Variants in C1orf54 observed in about 807,000 individuals in gnomAD.
C1orf54 encodes the protein uncharacterized protein C1orf54.
A neutral mutation model predicts 14.7 loss-of-function variants in C1orf54; 12 were observed. The observed-to-expected ratio is 0.82, with a 90% CI of 0.52 to 1.32. The LOEUF is 1.32. Among genes scored for constraint, C1orf54 ranks in the 40% most tolerant of loss-of-function variants. The pLI, the probability that C1orf54 is intolerant of heterozygous loss-of-function variation, is 0.00. For synonymous variants in C1orf54, 65 were observed against 56.3 expected, an observed-to-expected ratio of 1.16 and a Z score of -0.70; for missense variants, 163 against 162.2, an observed-to-expected ratio of 1.00 and a Z score of -0.03.
chr1:150,275,748 T>C lies in C1orf54; in HGVS notation c.138T>C (p.Phe46=). The C allele has an allele frequency of 6.2e-7, 1 of 1,611,006 alleles. No individual in the cohort carries two copies. Among genetic ancestry groups the C allele is most frequent in the South Asian group, 1.1e-5 (1 of 91,002 alleles). Residue 46 remains phenylalanine (F), a synonymous_variant, in exon 3 of 6, where the codon TTT becomes TTC. Coordinates refer to ENST00000369099, the MANE Select transcript of C1orf54 (RefSeq NM_024579.4). ...YYTVTPSYDD[F]SADFTIDYSI... is the part of the protein sequence containing the mutation. Reference sequence around the variant, plus strand: ...TTTCTTTCTCCTCTGCAGATGACTTTAGTGCAGATTTCACCATTGATTACT... The same window carrying C: ...TTTCTTTCTCCTCTGCAGATGACTTCAGTGCAGATTTCACCATTGATTACT...
intron 4 of C1orf54, 153 bp from the exon 5 acceptor site, chr1:150,279,490 A>G: frequency 5.5e-6 from 4 of 722,544 alleles, no homozygotes; most frequent in Non-Finnish European, 9.3e-6. Flanking sequence ...AGGACTCCTT[A>G]CAGTGATGGG....
chr1:150,276,643 T>C lies in C1orf54; in HGVS notation c.300+11T>C. ...GTAACAACGGAACCTGTGAGTTGAT[T>C]GGGGATTGGGGGCTGGGGGGAGACA... On this transcript the variant is annotated intron_variant, in intron 4 of 5. Coordinates refer to ENST00000369099, the MANE Select transcript of C1orf54 (RefSeq NM_024579.4). 1 of 1,602,972 alleles carries C rather than the reference T, an allele frequency of 6.2e-7. No homozygotes were observed. Among genetic ancestry groups the C allele is most frequent in the Non-Finnish European group, 8.5e-7 (1 of 1,170,136 alleles).
At position 150,272,859 on chromosome 1, in the gene C1orf54, C is replaced by G; in HGVS notation, c.42C>G (p.Ile14Met). 1.2e-6 allele frequency: 2 copies of G among 1,614,098 alleles called. No individual in the cohort carries two copies. Among genetic ancestry groups the G allele is most frequent in the Non-Finnish European group, 1.7e-6 (2 of 1,180,024 alleles). ...TAGCCATCTTTGCTGTGCCACTTAT[C>G]CTGGGTAAGTCCACTCCTCTCTCTG... ...LFVAIFAVPL[I>M]LGQEYEDEER... Residue 14 changes from isoleucine to methionine, a missense_variant, in exon 1 of 6, where the codon ATC (isoleucine) becomes ATG (methionine). Ile to Met is a conservative substitution (Grantham distance 10). Transcript: ENST00000369099.
upstream of C1orf54, chr1:150,269,346 AAG>A (rs782006976): frequency 2.5e-5 from 4 of 159,154 alleles, no homozygotes; most frequent in Non-Finnish European, 5.6e-5. Context: ...GACAAATACA[AAG>A]AGAGCACAGG....
intron 4 of C1orf54, among the ~76,000 whole-genome samples, chr1:150,277,813 A>C (rs1311179749): frequency 6.6e-6 from 1 of 152,024 alleles, no homozygotes; most frequent in Non-Finnish European, 1.5e-5. Flanking sequence ...TTTTAGAAAA[A>C]CCGGCCAGGT....
At chr1:150,280,630 C>G (rs149436127) in intron 5 of C1orf54, among the ~76,000 whole-genome samples, 2 of 152,184 alleles carry the variant, frequency 1.3e-5, no homozygotes, top group East Asian at 3.9e-4. Context: ...AATTGGGATG[C>G]TAAATAACCA....
At chr1:150,269,764 A>T (rs1652066803), upstream of C1orf54, among the ~76,000 whole-genome samples, 1 of 152,134 alleles carries the variant, frequency 6.6e-6, no homozygotes, top group Non-Finnish European at 1.5e-5. Context: ...ATTAGAGTGA[A>T]TGAAAGTTAA....
In C1orf54 at chr1:150,274,140, G is replaced by T; in HGVS notation, c.100G>T (p.Val34Phe). 1 of 1,612,440 alleles carries T rather than the reference G, an allele frequency of 6.2e-7. No homozygotes were observed. Among genetic ancestry groups the T allele is most frequent in the Non-Finnish European group, 8.5e-7 (1 of 1,178,558 alleles). The change falls in exon 2 of 6, where the codon GTC becomes TTC. Residue 34 changes from valine (V) to phenylalanine (F), a missense_variant. Coordinates refer to ENST00000369099, the MANE Select transcript of C1orf54 (RefSeq NM_024579.4). ...RLGEDEYYQV[V>F]YYYTVTPSYD... ...GGGAGAGGATGAATATTATCAGGTGGTCTATTATTATACAGTCACCCCCAG... is the reference window on the plus strand; with the variant it reads ...GGGAGAGGATGAATATTATCAGGTGTTCTATTATTATACAGTCACCCCCAG...
intron 4 of C1orf54, 132 bp downstream of exon 4, chr1:150,276,764 A>C: frequency 1.4e-6 from 1 of 696,992 alleles, no homozygotes. Context: ...GCAGGTATTC[A>C]TCTCAACTTG....
chr1:150,273,921 G>A (rs1226571572), intron 1 of C1orf54, among the ~76,000 whole-genome samples, 166 bp from the exon 2 acceptor site: 4 of 152,162 alleles, frequency 2.6e-5, no homozygotes, highest in Non-Finnish European at 5.9e-5. Context: ...TGAGAGGGGT[G>A]TAGAGGTGCA....
At chr1:150,277,943 C>T (rs2101878977) in intron 4 of C1orf54, among the ~76,000 whole-genome samples, 1 of 152,134 alleles carries the variant, frequency 6.6e-6, no homozygotes, top group Non-Finnish European at 1.5e-5. Context: ...AGTAAAAATA[C>T]AGAATTAGCT....
intron 2 of C1orf54, among the ~76,000 whole-genome samples, chr1:150,274,820 G>C (rs1471255882): frequency 6.0e-5 from 9 of 150,800 alleles, no homozygotes; most frequent in Admixed American, 2.6e-4. Flanking sequence ...GGCTGAGGCA[G>C]GAGAATCGCT....
At chr1:150,270,945 G>A (rs1553851162), upstream of C1orf54, among the ~76,000 whole-genome samples, 3 of 140,492 alleles carry the variant, frequency 2.1e-5, no homozygotes, top group African/African-American at 8.0e-5. Flanking sequence ...GCAGTGAGCC[G>A]AGATCGTGCC....
At chr1:150,273,326 G>T (rs1553851691) in intron 1 of C1orf54, among the ~76,000 whole-genome samples, 1 of 152,214 alleles carries the variant, frequency 6.6e-6, no homozygotes, top group Non-Finnish European at 1.5e-5. Context: ...CAGGGACAGG[G>T]TCCCAAGAGT....
upstream of C1orf54, chr1:150,268,893 G>A: frequency 4.7e-6 from 6 of 1,275,184 alleles, no homozygotes; most frequent in Non-Finnish European, 6.6e-6. Flanking sequence ...GTCCGCGTGG[G>A]GTGGCAACGC....
chr1:150,278,413 C>A (rs1652839636), intron 4 of C1orf54, among the ~76,000 whole-genome samples: 1 of 152,110 alleles, frequency 6.6e-6, no homozygotes, highest in Non-Finnish European at 1.5e-5. Flanking sequence ...AATGGCCAAG[C>A]TGAGTTTATG....
chr1:150,272,646 G>C (rs1034962995), upstream of C1orf54: 5 of 653,508 alleles, frequency 7.7e-6, no homozygotes, highest in East Asian at 1.4e-4. Context: ...GGGACCGGCA[G>C]TAACCGGAGA....
At chr1:150,279,596 G>A (rs1390235513) in intron 4 of C1orf54, 47 bp from the exon 5 acceptor site, 12 of 1,535,952 alleles carry the variant, frequency 7.8e-6, no homozygotes, top group African/African-American at 1.4e-5. Flanking sequence ...GAAGTGGTAG[G>A]AGGAATGACA....
In C1orf54 at chr1:150,276,710, C is replaced by T. The variant is rs587678315; in HGVS notation, c.300+78C>T. On this transcript the variant is annotated intron_variant, in intron 4 of 5. Coordinates refer to ENST00000369099, the MANE Select transcript of C1orf54 (RefSeq NM_024579.4). Reference sequence around the variant, plus strand: ...GTGGAATACATAGAGGGCTGGAATACCAGGCTTTGGTGGATGGGAGAACCA... The same window carrying T: ...GTGGAATACATAGAGGGCTGGAATATCAGGCTTTGGTGGATGGGAGAACCA... 1.0e-4 allele frequency: 120 copies of T among 1,191,058 alleles called. No individual in the cohort carries two copies. In the South Asian group the frequency reaches 1.4e-3, roughly 14 times the overall value. 73.8% of individuals were successfully genotyped at this position (1,191,058 alleles called of 1,614,324 possible). A position where few individuals can be genotyped will look rare whatever the true frequency, so the allele number is the denominator to read the frequency against.
Sources: gnomAD v4.1 joint callset for allele counts (sites outside exome capture counted in the v4.1 genomes callset) on GRCh38, gnomAD v4.1.1 for gene constraint, MANE v1.5 for transcripts, NCBI Gene and HGNC (gene_info 2026-07-23, HGNC 2026-07-21) for gene names.